Variants in KALRN observed in about 807,000 individuals in gnomAD.
KALRN encodes the protein kalirin RhoGEF kinase, also known as kalirin.
Under a neutral mutation model 353.7 loss-of-function variants are expected in KALRN, and 70 were observed. That is an observed-to-expected ratio of 0.20 (90% CI 0.16 to 0.24). KALRN has a LOEUF of 0.24. Ranked by LOEUF, KALRN falls within the 10% of genes least tolerant of loss-of-function variation. The probability of loss-of-function intolerance (pLI) is 1.00; values close to 1 mark genes in which losing one functional copy is unlikely to be tolerated. For missense variants in KALRN, 2,791 were observed against 3,756.7 expected, an observed-to-expected ratio of 0.74 and a Z score of 6.72; for synonymous variants, 1,391 against 1,434.8, an observed-to-expected ratio of 0.97 and a Z score of 0.69.
chr3:124,283,125 G>A (rs2075514142), intron 5 of KALRN, among the ~76,000 whole-genome samples: 1 of 152,230 alleles, frequency 6.6e-6, no homozygotes, highest in South Asian at 2.1e-4. Flanking sequence ...TCCCAGATGT[G>A]CAAGTGATTG....
chr3:124,044,322 G>A (rs1187311501), intron 1 of KALRN, among the ~76,000 whole-genome samples: 2 of 152,126 alleles, frequency 1.3e-5, no homozygotes, highest in African/African-American at 4.8e-5. Flanking sequence ...ATCTACCCTA[G>A]AACACAAGAA....
Position 124,269,207 on chromosome 3 carries a change from G to A in KALRN, c.921G>A (p.Lys307=). The A allele has an allele frequency of 6.2e-7, 1 of 1,608,344 alleles. No homozygotes were observed. The change falls in exon 5 of 60, where the codon AAG becomes AAA. Residue 307 remains lysine, a synonymous_variant. Transcript: ENST00000682506. ...LHQMWHVRKL[K]LDQCFQLRLF... ...AGATGTGGCATGTGCGCAAGCTCAA[G>A]CTGGACCAGTGCTTTCAGCTGCGGC...
chr3:124,181,922 T>A (rs2073649075), intron 1 of KALRN, among the ~76,000 whole-genome samples: 1 of 152,148 alleles, frequency 6.6e-6, no homozygotes, highest in Non-Finnish European at 1.5e-5. Flanking sequence ...TTGTAGCAGA[T>A]CAGGGATAAA....
chr3:124,366,873 G>A (rs1264891232), intron 10 of KALRN, among the ~76,000 whole-genome samples: 7 of 134,900 alleles, frequency 5.2e-5, no homozygotes, highest in African/African-American at 1.9e-4. Context: ...GCGGCTGGCC[G>A]GGCGGGGGGC....
intron 38 of KALRN, among the ~76,000 whole-genome samples, chr3:124,652,208 T>G (rs551214964): frequency 5.3e-5 from 8 of 152,358 alleles, no homozygotes. Context: ...ATTTATGAGT[T>G]TCTGTTTCCT....
intron 1 of KALRN, among the ~76,000 whole-genome samples, chr3:124,215,270 G>C (rs868730383): frequency 1.3e-5 from 2 of 152,140 alleles, no homozygotes; most frequent in African/African-American, 4.8e-5. Flanking sequence ...TGTAGTACTC[G>C]CCGAATAGCC....
chr3:124,323,511 T>C (rs12695438), intron 6 of KALRN, among the ~76,000 whole-genome samples: 65,556 of 152,002 alleles, frequency 0.43, 16,352 homozygotes, highest in South Asian at 0.6. Context: ...TGACAAGGTG[T>C]TAAGAGTCTA....
At chr3:124,326,812 G>A (rs1238209757) in intron 7 of KALRN, among the ~76,000 whole-genome samples, 2 of 152,128 alleles carry the variant, frequency 1.3e-5, no homozygotes, top group African/African-American at 4.8e-5. Context: ...TTGAGAACTG[G>A]TTGTCACATT....
intron 14 of KALRN, among the ~76,000 whole-genome samples, chr3:124,422,079 T>C (rs561773318): frequency 2.1e-4 from 32 of 152,344 alleles, no homozygotes; most frequent in African/African-American, 7.5e-4. Context: ...CAAACTCTCC[T>C]TGAGTGGGCA....
Position 124,286,109 on chromosome 3 carries a change from T to TTC in KALRN, c.970-12680_970-12679dup, listed in dbSNP as rs1553894036. Among the ~76,000 whole-genome samples the TTC allele has an allele frequency of 6.4e-4, 95 of 147,706 alleles. 1 individual carries two copies. The highest frequency in any genetic ancestry group is 2.4e-3 in the African/African-American group (93 of 39,450). ...TTTCTTTCTTTCTTTCTTTCTTTCT[T>TTC]TCTTTCTTTCTTTCTTTCTTTCTTT... On this transcript the variant is annotated intron_variant, in intron 5 of 59. Transcript: ENST00000682506.
At chr3:124,383,553 C>A (rs1560753846) in intron 10 of KALRN, among the ~76,000 whole-genome samples, 1 of 152,152 alleles carries the variant, frequency 6.6e-6, no homozygotes, top group East Asian at 1.9e-4. Flanking sequence ...AGCATTGTCC[C>A]TGTGTGCATG....
rs919687258 is a variant in KALRN at position 124,132,871 on chromosome 3, A to T, written c.74-95119A>T. ...CCCTGGCAGCCCCTGTCTCTTTGGG[A>T]GTTGTTCTGGTTCCTCCTGCTGGGG... On this transcript the variant is annotated intron_variant, in intron 1 of 59. Coordinates refer to ENST00000682506, the MANE Select transcript of KALRN (RefSeq NM_001388419.1). The T allele has an allele frequency of 1.9e-5, 3 of 154,136 alleles. No individual in the cohort carries two copies. The Admixed American group carries it at 2.0e-4, about 10-fold the overall frequency. The allele number at this position is 154,136 out of a possible 1,614,324, so 9.5% of individuals were successfully genotyped here.
At chr3:124,138,073 A>G (rs1454850857) in intron 1 of KALRN, among the ~76,000 whole-genome samples, 1 of 152,180 alleles carries the variant, frequency 6.6e-6, no homozygotes, top group East Asian at 1.9e-4. Context: ...CTCAAGGTTC[A>G]CAGAGCCTGT....
At chr3:124,153,027 T>C in intron 1 of KALRN, 1 of 246,090 alleles carries the variant, frequency 4.1e-6, no homozygotes, top group Non-Finnish European at 8.1e-6. Context: ...CACTTTTTCT[T>C]AAAGGTTTCT....
At chr3:124,276,397 T>C (rs2074726631) in intron 5 of KALRN, among the ~76,000 whole-genome samples, 1 of 152,076 alleles carries the variant, frequency 6.6e-6, no homozygotes, top group African/African-American at 2.4e-5. Context: ...CCCTCCAAGG[T>C]ATAAACAGTT....
chr3:124,064,231 C>T (rs2042180761), intron 1 of KALRN, among the ~76,000 whole-genome samples: 1 of 151,910 alleles, frequency 6.6e-6, no homozygotes, highest in African/African-American at 2.4e-5. Context: ...GAAGCATAAA[C>T]CAGAGGGACT....
At chr3:124,711,804 G>A (rs1001117314) in intron 57 of KALRN, among the ~76,000 whole-genome samples, 1 of 152,064 alleles carries the variant, frequency 6.6e-6, no homozygotes, top group Non-Finnish European at 1.5e-5. Flanking sequence ...AAAAAAGCAG[G>A]GGATAGAAAA....
chr3:124,633,921 A>G lies in KALRN; in HGVS notation c.5536A>G (p.Ile1846Val), dbSNP rs56375410. The G allele has an allele frequency of 5.9e-5, 96 of 1,613,938 alleles. No individual in the cohort carries two copies. Among genetic ancestry groups the G allele is most frequent in the Non-Finnish European group, 7.9e-5 (93 of 1,179,994 alleles). The change falls in exon 36 of 60, where the codon ATT becomes GTT. Residue 1846 changes from isoleucine (I) to valine (V), a missense_variant. Physicochemically the swap from Ile to Val is conservative, Grantham distance 29. Transcript: ENST00000682506. ...SHTPLPPPMK[I>V]FDNDPTQDEM... ...CACACCCCTCCCACCACCTATGAAG[A>G]TTTTTGACAACGACCCTACACAGGA...
At chr3:124,062,758 G>A (rs929939236) in intron 1 of KALRN, among the ~76,000 whole-genome samples, 1 of 152,104 alleles carries the variant, frequency 6.6e-6, no homozygotes, top group African/African-American at 2.4e-5. Context: ...GTTTGGAGAG[G>A]GGAGAAAATG....
Sources: gnomAD v4.1 joint callset for allele counts (sites outside exome capture counted in the v4.1 genomes callset) on GRCh38, gnomAD v4.1.1 for gene constraint, MANE v1.5 for transcripts, NCBI Gene and HGNC (gene_info 2026-07-23, HGNC 2026-07-21) for gene names.